Variants in EYS observed in about 807,000 individuals in gnomAD.
EYS encodes EGF-like photoreceptor maintenance factor.
Under a neutral mutation model 282.1 loss-of-function variants are expected in EYS, and 250 were observed. The ratio of observed to expected loss-of-function variants is 0.89; its 90% CI spans 0.80 to 0.98. The LOEUF (loss-of-function observed/expected upper bound fraction) is 0.98. Ranked by LOEUF, EYS falls within the 50% of genes least tolerant of loss-of-function variation. EYS has a pLI of 0.00. For synonymous variants in EYS, 1,355 were observed against 1,282.9 expected, an observed-to-expected ratio of 1.06 and a Z score of -1.20; for missense variants, 4,016 against 3,709.0, an observed-to-expected ratio of 1.08 and a Z score of -2.15.
chr6:65,610,670 T>C (rs759108025), intron 2 of EYS, among the ~76,000 whole-genome samples: 13 of 152,138 alleles, frequency 8.5e-5, no homozygotes, highest in Non-Finnish European at 1.6e-4. Flanking sequence ...TATTTAAAAC[T>C]TCTATAACTT....
At chr6:64,566,922 C>T (rs1582902162) in intron 26 of EYS, among the ~76,000 whole-genome samples, 1 of 151,984 alleles carries the variant, frequency 6.6e-6, no homozygotes, top group East Asian at 1.9e-4. Flanking sequence ...TACAGGTGTC[C>T]ACCACCATGC....
chr6:64,513,112 T>C (rs1361530675), intron 26 of EYS, among the ~76,000 whole-genome samples: 1 of 151,902 alleles, frequency 6.6e-6, no homozygotes, highest in African/African-American at 2.4e-5. Flanking sequence ...AGATTTGCGA[T>C]CAGGTTCTTA....
rs186324155 is a variant in EYS, at chr6:64,258,069, C to T, written c.6192-27245G>A. On this transcript the variant is annotated intron_variant, in intron 30 of 42. Transcript: ENST00000503581. The stretch of plus-strand genomic sequence containing the variant: ...ATTGGTGTTCTTAGGCTATAGAATG[C>T]CATGTGATCCTAAGAAGCTATGCGT... Among the ~76,000 whole-genome samples, 4 of 152,078 alleles carry T rather than the reference C, an allele frequency of 2.6e-5. No homozygotes were observed. The East Asian group carries it at 7.7e-4, about 29-fold the overall frequency.
intron 2 of EYS, among the ~76,000 whole-genome samples, chr6:65,607,547 C>T (rs1765841014): frequency 6.6e-6 from 1 of 151,766 alleles, no homozygotes; most frequent in Non-Finnish European, 1.5e-5. Context: ...ATTACTGCTT[C>T]TTTTAATTAC....
At chr6:65,242,753 C>T (rs1000312652) in intron 12 of EYS, among the ~76,000 whole-genome samples, 2 of 151,852 alleles carry the variant, frequency 1.3e-5, no homozygotes, top group African/African-American at 4.8e-5. Context: ...ATTAGGGTTC[C>T]CATTTCTCTA....
intron 22 of EYS, among the ~76,000 whole-genome samples, chr6:64,758,658 G>A (rs1019557761): frequency 2.0e-5 from 3 of 152,166 alleles, no homozygotes; most frequent in Admixed American, 6.5e-5. Flanking sequence ...GTGAGAAAAA[G>A]TCAGTACACA....
At chr6:63,790,387 T>C (rs567042466) in intron 37 of EYS, among the ~76,000 whole-genome samples, 2 of 152,214 alleles carry the variant, frequency 1.3e-5, no homozygotes. Flanking sequence ...ACTTGAACGC[T>C]GCCTCTGCTT....
At chr6:64,915,292 T>C (rs559657010) in intron 15 of EYS, among the ~76,000 whole-genome samples, 1 of 152,246 alleles carries the variant, frequency 6.6e-6, no homozygotes, top group East Asian at 1.9e-4. Flanking sequence ...GTTAAAATCA[T>C]TTGCATGGTT....
At chr6:65,515,369 G>T (rs1218237912) in intron 2 of EYS, among the ~76,000 whole-genome samples, 1 of 152,148 alleles carries the variant, frequency 6.6e-6, no homozygotes, top group African/African-American at 2.4e-5. Flanking sequence ...CAACCATTGT[G>T]GAAGTTGGTG....
intron 29 of EYS, among the ~76,000 whole-genome samples, chr6:64,367,547 T>G (rs746388983): frequency 2.0e-5 from 3 of 151,532 alleles, no homozygotes; most frequent in Non-Finnish European, 2.9e-5. Flanking sequence ...TAAGAGCCAC[T>G]CCCAGGGCAT....
chr6:63,981,904 C>G (rs1300804300), intron 35 of EYS, among the ~76,000 whole-genome samples: 4 of 151,788 alleles, frequency 2.6e-5, no homozygotes, highest in African/African-American at 9.7e-5. Flanking sequence ...AGTTGGCTCT[C>G]AGACAATGTT....
chr6:65,097,656 C>T (rs893308602), intron 12 of EYS, among the ~76,000 whole-genome samples: 1 of 150,602 alleles, frequency 6.6e-6, no homozygotes, highest in Non-Finnish European at 1.5e-5. Flanking sequence ...TACATATGTA[C>T]GATTATTCAG....
intron 30 of EYS, among the ~76,000 whole-genome samples, chr6:64,262,969 T>C (rs1158221162): frequency 6.6e-6 from 1 of 152,084 alleles, no homozygotes; most frequent in Non-Finnish European, 1.5e-5. Context: ...AGCATGATTT[T>C]TGGAGTCAGA....
chr6:65,350,476 A>C (rs1025409729), intron 9 of EYS, among the ~76,000 whole-genome samples: 1 of 147,400 alleles, frequency 6.8e-6, no homozygotes, highest in African/African-American at 2.7e-5. Flanking sequence ...TATTTATTTA[A>C]AAAAAAAGTT....
At chr6:64,592,363 C>T (rs1370622402) in intron 25 of EYS, among the ~76,000 whole-genome samples, 1 of 152,132 alleles carries the variant, frequency 6.6e-6, no homozygotes, top group African/African-American at 2.4e-5. Context: ...GTTAGAAATA[C>T]CGTTTTACTT....
Position 65,216,303 on chromosome 6 carries a change from G to A in EYS, c.2023+79560C>T, listed in dbSNP as rs189689152. ...TGAGTGAAGTGTGGGTTCTGTACAC[G>A]TCTATATGACTAATGTTCAAATTGT... On this transcript the variant is annotated intron_variant, in intron 12 of 42. Coordinates refer to ENST00000503581, the MANE Select transcript of EYS (RefSeq NM_001142800.2). Among the ~76,000 whole-genome samples, 133 of 151,968 alleles carry A rather than the reference G, an allele frequency of 8.8e-4. 1 individual carries two copies. Among genetic ancestry groups the A allele is most frequent in the African/African-American group, 2.7e-3 (110 of 41,482 alleles).
intron 37 of EYS, among the ~76,000 whole-genome samples, chr6:63,795,535 C>A (rs1770624894): frequency 6.6e-6 from 1 of 152,098 alleles, no homozygotes; most frequent in Non-Finnish European, 1.5e-5. Context: ...ATATATACAA[C>A]CTTGGGAGCA....
intron 2 of EYS, among the ~76,000 whole-genome samples, chr6:65,600,399 A>G (rs1454315468): frequency 2.0e-5 from 3 of 152,026 alleles, no homozygotes; most frequent in African/African-American, 7.2e-5. Flanking sequence ...TATTCCTTCA[A>G]TATATGTAAC....
At chr6:64,093,956 T>C (rs1263895617) in intron 31 of EYS, among the ~76,000 whole-genome samples, 2 of 152,216 alleles carry the variant, frequency 1.3e-5, no homozygotes, top group African/African-American at 4.8e-5. Flanking sequence ...TGAGAGTTTT[T>C]AGCATGAAGC....
Sources: gnomAD v4.1 joint callset for allele counts (sites outside exome capture counted in the v4.1 genomes callset) on GRCh38, gnomAD v4.1.1 for gene constraint, MANE v1.5 for transcripts, NCBI Gene and HGNC (gene_info 2026-07-23, HGNC 2026-07-21) for gene names.